The following LSG1 variants were observed in gnomAD, a reference collection of about 807,000 sequenced individuals.
The protein encoded by LSG1 is large subunit GTPase 1 homolog.
Under a neutral mutation model 82.6 loss-of-function variants are expected in LSG1, and 55 were observed. That is an observed-to-expected ratio of 0.67 (90% CI 0.54 to 0.83). LSG1 has a LOEUF of 0.83. LSG1 is among the 40% of genes least tolerant of loss of function. The pLI is 0.00. For synonymous variants in LSG1, 272 were observed against 282.5 expected, an observed-to-expected ratio of 0.96 and a Z score of 0.37; for missense variants, 809 against 807.9, an observed-to-expected ratio of 1.00 and a Z score of -0.02.
intron 11 of LSG1, among the ~76,000 whole-genome samples, chr3:194,647,984 T>G (rs762201096): frequency 2.0e-5 from 3 of 151,972 alleles, no homozygotes; most frequent in Non-Finnish European, 4.4e-5. Flanking sequence ...TCTCTGCCAG[T>G]AAATACTCAA....
intron 7 of LSG1, among the ~76,000 whole-genome samples, chr3:194,655,300 T>A (rs1422251576): frequency 6.6e-6 from 1 of 152,208 alleles, no homozygotes; most frequent in Admixed American, 6.5e-5. Context: ...TTTCCCTTTG[T>A]TATCTTGGTT....
At chr3:194,650,617 G>C (rs1004219117) in intron 10 of LSG1, 1 of 328,176 alleles carries the variant, frequency 3.0e-6, no homozygotes, top group African/African-American at 2.1e-5. Context: ...TCATTCAAAC[G>C]GTTACATGGC....
Position 194,644,800 on chromosome 3 carries a change from C to T in LSG1, c.1624-54G>A, listed in dbSNP as rs1371704992. 71 of 1,436,976 alleles carry T rather than the reference C, an allele frequency of 4.9e-5. 1 individual carries two copies. In the South Asian group the frequency reaches 9.5e-4, roughly 19 times the overall value. 89.0% of individuals were successfully genotyped at this position (1,436,976 alleles called of 1,614,324 possible). The stretch of plus-strand genomic sequence containing the variant: ...GCAGCCTAAGTGCCATCTGTGGCCT[C>T]AGAGGAGACAGCTCCACCCAGTCAC... On this transcript the variant is annotated intron_variant, in intron 12 of 13. Coordinates refer to ENST00000265245, the MANE Select transcript of LSG1 (RefSeq NM_018385.3).
rs763693435 is a variant in LSG1 at position 194,667,942 on chromosome 3, AATAT to A, written c.227-1374_227-1371del. Among the ~76,000 whole-genome samples the A allele has an allele frequency of 5.8e-3, 505 of 86,826 alleles. 17 individuals carry two copies. The highest frequency in any genetic ancestry group is 0.015 in the Middle Eastern group (2 of 130). The allele number at this position is 86,826 out of a possible 152,430, so 57.0% of individuals were successfully genotyped here. A position where few individuals can be genotyped will look rare whatever the true frequency, so the allele number is the denominator to read the frequency against. On this transcript the variant is annotated intron_variant, in intron 2 of 13. Coordinates refer to ENST00000265245, the MANE Select transcript of LSG1 (RefSeq NM_018385.3). ...CCGTCTCAAAAAAAAAAAAAAAAAAAATATATATATATATATATATATATATAGC... is the reference window on the plus strand; with the variant it reads ...CCGTCTCAAAAAAAAAAAAAAAAAAAATATATATATATATATATATATAGC...
intron 1 of LSG1, among the ~76,000 whole-genome samples, chr3:194,671,406 C>T (rs1407498767): frequency 1.3e-5 from 2 of 152,168 alleles, no homozygotes; most frequent in Non-Finnish European, 2.9e-5. Flanking sequence ...GCTTACTTAG[C>T]TCCAGGGACA....
chr3:194,656,828 A>G (rs950623154), intron 7 of LSG1, among the ~76,000 whole-genome samples: 22 of 152,206 alleles, frequency 1.4e-4, no homozygotes, highest in African/African-American at 5.3e-4. Flanking sequence ...ATAAAAAATG[A>G]TGAGTTCATG....
chr3:194,651,344 T>C (rs1288798999), intron 8 of LSG1, 128 bp from the exon 9 acceptor site: 1 of 669,086 alleles, frequency 1.5e-6, no homozygotes, highest in East Asian at 2.7e-5. Context: ...TTGAAATCCA[T>C]GCTGTGTTTG....
chr3:194,643,022 C>T (rs1197362488), intron 13 of LSG1, among the ~76,000 whole-genome samples: 5 of 152,326 alleles, frequency 3.3e-5, no homozygotes, highest in South Asian at 4.1e-4. Context: ...AGATAAAGCA[C>T]GGGATAAATA....
chr3:194,655,981 A>G (rs1266610371), intron 7 of LSG1, among the ~76,000 whole-genome samples: 1 of 152,118 alleles, frequency 6.6e-6, no homozygotes, highest in Non-Finnish European at 1.5e-5. Flanking sequence ...CCTCCCTTAC[A>G]CCTTACACAA....
intron 11 of LSG1, 31 bp from the exon 12 acceptor site, chr3:194,646,274 T>C (rs1718551524): frequency 1.3e-6 from 2 of 1,561,640 alleles, no homozygotes; most frequent in Middle Eastern, 1.7e-4. Context: ...TGCAAAATCT[T>C]AGATGACAGA....
In LSG1 at chr3:194,664,363, G is replaced by GA. The variant is rs766169830; in HGVS notation, c.521+1193dup. On this transcript the variant is annotated intron_variant, in intron 5 of 13. Transcript: ENST00000265245. Reference sequence around the variant, plus strand: ...TAGGTTCACTTTATAGATTTCAAAGGAAAAAAAACCAGCCTGAAGGGTCCT... The same window carrying GA: ...TAGGTTCACTTTATAGATTTCAAAGGAAAAAAAAACCAGCCTGAAGGGTCCT... 1.1e-4 allele frequency among the ~76,000 whole-genome samples: 17 copies of GA among 151,490 alleles called. 1 individual carries two copies. The highest frequency in any genetic ancestry group is 4.2e-4 in the South Asian group (2 of 4,786).
intron 6 of LSG1, among the ~76,000 whole-genome samples, 189 bp from the exon 7 acceptor site, chr3:194,659,322 A>G (rs1176031139): frequency 1.1e-4 from 16 of 152,142 alleles, no homozygotes. Flanking sequence ...TCCACCATTA[A>G]TATTTTTGTT....
In LSG1 at chr3:194,652,888, T is replaced by G; in HGVS notation, c.1014A>C (p.Glu338Asp). ...KEEDCSQDWK[E>D]SSTADSEARS... Reference sequence around the variant, plus strand: ...GAGCCTCAGAATCTGCAGTAGAGCTTTCCTTCCAGTCCTGGCTGCAGTCCT... The same window carrying G: ...GAGCCTCAGAATCTGCAGTAGAGCTGTCCTTCCAGTCCTGGCTGCAGTCCT... Residue 338 changes from glutamate (E) to aspartate (D), a missense_variant, in exon 8 of 14, where the codon GAA becomes GAC. By Grantham distance (45) the Glu-to-Asp change is conservative (BLOSUM62 2). Transcript: ENST00000265245. The G allele has an allele frequency of 6.2e-7, 1 of 1,614,160 alleles. No homozygotes were observed. Among genetic ancestry groups the G allele is most frequent in the Non-Finnish European group, 8.5e-7 (1 of 1,180,042 alleles).
At position 194,646,198 on chromosome 3, in the gene LSG1, C is replaced by A; in HGVS notation, c.1589G>T (p.Arg530Leu). 6.2e-7 allele frequency: 1 copy of A among 1,614,068 alleles called. No homozygotes were observed. Among genetic ancestry groups the A allele is most frequent in the Non-Finnish European group, 8.5e-7 (1 of 1,179,968 alleles). The change falls in exon 12 of 14, where the codon CGA (arginine) becomes CTA (leucine). Residue 530 changes from arginine to leucine, a missense_variant. Physicochemically the swap from Arg to Leu is moderately radical, Grantham distance 102 (BLOSUM62 -2). Coordinates refer to ENST00000265245, the MANE Select transcript of LSG1 (RefSeq NM_018385.3). Reference sequence around the variant, plus strand: ...GTCCTTCAGGATGTAGCGCGCAGATCGAGGCTGGTCTGGCTGTCCATGCGC... The same window carrying A: ...GTCCTTCAGGATGTAGCGCGCAGATAGAGGCTGGTCTGGCTGTCCATGCGC... ...MTAHGQPDQP[R>L]SARYILKDYV...
Position 194,664,900 on chromosome 3 carries a change from A to T in LSG1, c.521+657T>A, listed in dbSNP as rs111288994. ...GTGCCATTGCACTCCAGCCTGGGCA[A>T]TAAGAGCAAAACTCCGTCTCAAATA... On this transcript the variant is annotated intron_variant, in intron 5 of 13. Transcript: ENST00000265245. 3.5e-4 allele frequency among the ~76,000 whole-genome samples: 53 copies of T among 152,230 alleles called. 3 individuals are homozygous for T. In the South Asian group the frequency reaches 8.9e-3, roughly 26 times the overall value.
At position 194,651,148 on chromosome 3, in the gene LSG1, C is replaced by T; in HGVS notation, c.1242G>A (p.Val414=). 1 of 1,614,222 alleles carries T rather than the reference C, an allele frequency of 6.2e-7. No individual in the cohort carries two copies. Among genetic ancestry groups the T allele is most frequent in the Non-Finnish European group, 8.5e-7 (1 of 1,180,042 alleles). ...GCTTTGTGTGACCAGGTGTGGCAGA[C>T]ACAGATACTTTCTTGTTGCCCATGA... The part of the protein sequence containing the change: ...NTIMGNKKVS[V]SATPGHTKHF... The change falls in exon 9 of 14, where the codon GTG becomes GTA. Residue 414 remains valine, a synonymous_variant. Transcript: ENST00000265245.
chr3:194,667,202 C>G (rs925710410), intron 2 of LSG1, among the ~76,000 whole-genome samples: 1 of 152,074 alleles, frequency 6.6e-6, no homozygotes, highest in South Asian at 2.1e-4. Context: ...AGGCCCGCAC[C>G]ACCACGCCCG....
At chr3:194,669,872 A>G in intron 2 of LSG1, 137 bp downstream of exon 2, 2 of 951,366 alleles carry the variant, frequency 2.1e-6, no homozygotes, top group Non-Finnish European at 3.1e-6. Context: ...GCGGAGCTGC[A>G]GTGAGCTGAT....
chr3:194,653,054 G>A lies in LSG1; in HGVS notation c.848C>T (p.Ser283Phe). ...FDQAEISHSE[S>F]EHLPARDSPS... is the part of the protein sequence containing the mutation. ...AGAATCCCTAGCTGGGAGATGTTCGGATTCACTGTGGGAAATTTCAGCCTG... is the reference window on the plus strand; with the variant it reads ...AGAATCCCTAGCTGGGAGATGTTCGAATTCACTGTGGGAAATTTCAGCCTG... The change falls in exon 8 of 14, where the codon TCC (serine) becomes TTC (phenylalanine). Residue 283 changes from serine (S) to phenylalanine (F), a missense_variant. Transcript: ENST00000265245. 1 of 1,614,182 alleles carries A rather than the reference G, an allele frequency of 6.2e-7. No individual in the cohort carries two copies. Among genetic ancestry groups the A allele is most frequent in the South Asian group, 1.1e-5 (1 of 91,086 alleles).
Sources: allele counts gnomAD v4.1 joint callset (sites outside exome capture counted in the v4.1 genomes callset), GRCh38; gene constraint gnomAD v4.1.1; transcripts MANE v1.5; gene names NCBI Gene and HGNC (gene_info 2026-07-23, HGNC 2026-07-21).